The following VAT1L variants were observed in gnomAD, a reference collection of about 807,000 sequenced individuals.
VAT1L encodes putative NADPH-dependent quinone oxidoreductase VAT1L.
Under a neutral mutation model 44.1 loss-of-function variants are expected in VAT1L, and 34 were observed. That is an observed-to-expected ratio of 0.77 (90% CI 0.59 to 1.03). The LOEUF (loss-of-function observed/expected upper bound fraction) is 1.03, where lower values mean the gene tolerates loss of function less well. Ranked by LOEUF, VAT1L falls within the 50% of genes least tolerant of loss-of-function variation. VAT1L has a pLI of 0.00. For missense variants in VAT1L, 615 were observed against 538.8 expected, an observed-to-expected ratio of 1.14 and a Z score of -1.40; for synonymous variants, 253 against 202.2, an observed-to-expected ratio of 1.25 and a Z score of -2.13.
intron 7 of VAT1L, among the ~76,000 whole-genome samples, chr16:77,907,358 C>A (rs1265282616): frequency 6.6e-6 from 1 of 152,288 alleles, no homozygotes. Flanking sequence ...GAAACCCTGG[C>A]TATGTCTGTG....
chr16:77,857,674 A>T (rs2142438831), intron 3 of VAT1L, among the ~76,000 whole-genome samples: 1 of 150,264 alleles, frequency 6.7e-6, no homozygotes, highest in African/African-American at 2.4e-5. Context: ...AGTATATATT[A>T]TGTATATATA....
intron 7 of VAT1L, among the ~76,000 whole-genome samples, chr16:77,957,021 G>C (rs530815095): frequency 5.3e-5 from 8 of 152,216 alleles, no homozygotes; most frequent in African/African-American, 1.9e-4. Flanking sequence ...GATCACCTCT[G>C]ACTTCTATTA....
chr16:77,975,901 CT>C (rs1181198295), intron 8 of VAT1L, among the ~76,000 whole-genome samples: 1 of 152,216 alleles, frequency 6.6e-6, no homozygotes, highest in Non-Finnish European at 1.5e-5. Flanking sequence ...CTCTGCTGCC[CT>C]TATGGATTCT....
intron 7 of VAT1L, among the ~76,000 whole-genome samples, chr16:77,946,867 C>T (rs1428718315): frequency 1.3e-5 from 2 of 152,160 alleles, no homozygotes; most frequent in Non-Finnish European, 2.9e-5. Context: ...GAAGCCCAGG[C>T]TGAAACAAGA....
At chr16:77,820,544 C>T (rs1404930611) in intron 2 of VAT1L, among the ~76,000 whole-genome samples, 1 of 152,102 alleles carries the variant, frequency 6.6e-6, no homozygotes, top group Non-Finnish European at 1.5e-5. Context: ...CAGCATGAGC[C>T]GTCAGTCAGG....
chr16:77,899,350 G>C (rs2017357390), intron 7 of VAT1L, among the ~76,000 whole-genome samples: 1 of 152,216 alleles, frequency 6.6e-6, no homozygotes, highest in Non-Finnish European at 1.5e-5. Flanking sequence ...GCCCCGTCAG[G>C]CATCCTGATT....
At chr16:77,844,333 T>C (rs1007951491) in intron 3 of VAT1L, among the ~76,000 whole-genome samples, 2 of 152,208 alleles carry the variant, frequency 1.3e-5, no homozygotes, top group Non-Finnish European at 2.9e-5. Context: ...GTATTATAAG[T>C]AATCTAGAGA....
chr16:77,793,860 G>A (rs562663134), intron 1 of VAT1L, among the ~76,000 whole-genome samples: 2 of 152,152 alleles, frequency 1.3e-5, no homozygotes, highest in South Asian at 4.1e-4. Flanking sequence ...TTGGAGATAG[G>A]GAAGGAACAA....
chr16:77,801,852 A>C (rs1196861596), intron 1 of VAT1L: 1 of 152,126 alleles, frequency 6.6e-6, no homozygotes, highest in African/African-American at 2.4e-5. Context: ...ATGATTTTCT[A>C]ATTGGTTTCC....
At chr16:77,877,469 C>T (rs969002932) in intron 5 of VAT1L, among the ~76,000 whole-genome samples, 5 of 140,940 alleles carry the variant, frequency 3.5e-5, no homozygotes, top group East Asian at 2.1e-4. Context: ...GCCGAGACCG[C>T]GCCAGTGCAC....
intron 7 of VAT1L, among the ~76,000 whole-genome samples, chr16:77,934,792 T>C (rs1253836823): frequency 6.6e-6 from 1 of 152,152 alleles, no homozygotes; most frequent in Non-Finnish European, 1.5e-5. Flanking sequence ...AATTGTGTGA[T>C]ATATTGAGTT....
chr16:77,958,818 T>G (rs1050044689), intron 7 of VAT1L, among the ~76,000 whole-genome samples: 14 of 152,332 alleles, frequency 9.2e-5, no homozygotes, highest in African/African-American at 3.4e-4. Context: ...CTTTCTCTTC[T>G]TCTCCTTCGA....
At chr16:77,911,313 C>CTTTAATTTAATTAAATTAAAGTAA (rs2017497618) in intron 7 of VAT1L, among the ~76,000 whole-genome samples, 1 of 152,188 alleles carries the variant, frequency 6.6e-6, no homozygotes, top group Admixed American at 6.5e-5. Context: ...TGATTGGTGG[C>CTTTAATTTAATTAAATTAAAGTAA]TTTAATTACT....
intron 7 of VAT1L, among the ~76,000 whole-genome samples, chr16:77,942,817 T>A (rs1487518040): frequency 6.6e-6 from 1 of 152,076 alleles, no homozygotes; most frequent in Non-Finnish European, 1.5e-5. Flanking sequence ...CAATCTGAGC[T>A]CACTGCAAAC....
intron 7 of VAT1L, among the ~76,000 whole-genome samples, chr16:77,939,377 T>C (rs2017847587): frequency 6.7e-6 from 1 of 148,720 alleles, no homozygotes; most frequent in African/African-American, 2.5e-5. Flanking sequence ...CTCAAACCAG[T>C]GGGGGGCCGG....
chr16:77,879,584 C>CGAATTTA lies in VAT1L; in HGVS notation c.882+360_882+361insGAATTTA. ...TACAGGCGTGAGCCACCGCACCCAGCTGTGAGCTCTTCTATCATAAGGCAT... is the reference window on the plus strand; with the variant it reads ...TACAGGCGTGAGCCACCGCACCCAGCGAATTTATGTGAGCTCTTCTATCATAAGGCAT... On this transcript the variant is annotated intron_variant, in intron 6 of 8. Transcript: ENST00000302536. The surrounding 1 kb of genome is among the most constrained non-coding windows in gnomAD (Gnocchi z 4.1). Among the ~76,000 whole-genome samples the CGAATTTA allele has an allele frequency of 6.6e-6, 1 of 152,254 alleles. No individual in the cohort carries two copies. Among genetic ancestry groups the CGAATTTA allele is most frequent in the Non-Finnish European group, 1.5e-5 (1 of 68,054 alleles).
chr16:77,789,556 C>T (rs780841172), intron 1 of VAT1L, among the ~76,000 whole-genome samples: 1 of 152,172 alleles, frequency 6.6e-6, no homozygotes, highest in East Asian at 1.9e-4. Context: ...CTGCCCACTT[C>T]CTTCCCCGTA....
At chr16:77,905,448 C>T (rs963478860) in intron 7 of VAT1L, among the ~76,000 whole-genome samples, 1 of 152,130 alleles carries the variant, frequency 6.6e-6, no homozygotes, top group Non-Finnish European at 1.5e-5. Context: ...TCCCTGAAGG[C>T]ACCTTCTGAG....
intron 7 of VAT1L, among the ~76,000 whole-genome samples, chr16:77,938,577 C>A (rs79017683): frequency 2.0e-5 from 3 of 151,944 alleles, no homozygotes; most frequent in Non-Finnish European, 4.4e-5. Context: ...GCACTTCCCC[C>A]CTTATTCTCT....
Sources: gnomAD v4.1 joint callset for allele counts (sites outside exome capture counted in the v4.1 genomes callset) on GRCh38, gnomAD v4.1.1 for gene constraint, Gnocchi (gnomAD v3.1) non-coding constraint, MANE v1.5 for transcripts, NCBI Gene and HGNC (gene_info 2026-07-23, HGNC 2026-07-21) for gene names.